PCDHA7: variants seen among roughly 807,000 people sequenced by gnomAD.
PCDHA7 encodes protocadherin alpha 7, also known as protocadherin alpha-7.
PCDHA7 carries 37 observed loss-of-function variants against 57.2 expected under a neutral mutation model. That is an observed-to-expected ratio of 0.65 (90% confidence interval 0.50 to 0.85). The LOEUF is 0.85. Ranked by LOEUF, PCDHA7 falls within the 40% of genes least tolerant of loss-of-function variation. The pLI, the probability that PCDHA7 is intolerant of heterozygous loss-of-function variation, is 0.00. For synonymous variants in PCDHA7, 553 were observed against 558.8 expected, an observed-to-expected ratio of 0.99 and a Z score of 0.15; for missense variants, 1,188 against 1,241.8, an observed-to-expected ratio of 0.96 and a Z score of 0.65.
At chr5:140,857,576 C>T in intron 1 of PCDHA7, 1 of 1,596,780 alleles carries the variant, frequency 6.3e-7, no homozygotes, top group African/African-American at 1.3e-5. Flanking sequence ...CGTGTCGGTG[C>T]ACGCGGAGAG....
chr5:141,000,395 C>CTCTATAAATA (rs1213762225), intron 3 of PCDHA7, among the ~76,000 whole-genome samples: 2 of 53,986 alleles, frequency 3.7e-5, no homozygotes, highest in African/African-American at 1.5e-4. Flanking sequence ...CTCTCTCTCT[C>CTCTATAAATA]TATATATATA....
chr5:140,990,729 C>G (rs2097409512), intron 3 of PCDHA7, among the ~76,000 whole-genome samples: 1 of 152,134 alleles, frequency 6.6e-6, no homozygotes, highest in Non-Finnish European at 1.5e-5. Flanking sequence ...CTAGGTATAT[C>G]AACAGCCCTA....
At chr5:140,931,758 A>G (rs1374881766) in intron 1 of PCDHA7, among the ~76,000 whole-genome samples, 1 of 151,944 alleles carries the variant, frequency 6.6e-6, no homozygotes, top group African/African-American at 2.4e-5. Flanking sequence ...GGCATTTGTT[A>G]TTTACTTCTT....
intron 1 of PCDHA7, among the ~76,000 whole-genome samples, chr5:140,914,884 CCTG>C (rs2153531970): frequency 6.6e-6 from 1 of 151,782 alleles, no homozygotes; most frequent in East Asian, 1.9e-4. Flanking sequence ...ACTGTATCCT[CCTG>C]CTTTTAACTT....
chr5:140,927,191 T>C, intron 1 of PCDHA7: 16 of 1,614,144 alleles, frequency 9.9e-6, no homozygotes, highest in Non-Finnish European at 1.4e-5. Context: ...TACGACCTGG[T>C]GCTCGAGGAC....
chr5:140,874,953 G>C (rs2055192015), intron 1 of PCDHA7, among the ~76,000 whole-genome samples: 1 of 152,212 alleles, frequency 6.6e-6, no homozygotes, highest in Admixed American at 6.5e-5. Flanking sequence ...GGAATTGTAA[G>C]CTATATAAGG....
intron 1 of PCDHA7, among the ~76,000 whole-genome samples, chr5:140,939,338 G>A (rs2092369072): frequency 6.6e-6 from 1 of 152,116 alleles, no homozygotes; most frequent in South Asian, 2.1e-4. Context: ...TTAGGGGTTA[G>A]CATTTCAACT....
intron 1 of PCDHA7, chr5:140,882,841 A>G: frequency 6.2e-7 from 1 of 1,614,232 alleles, no homozygotes; most frequent in East Asian, 2.2e-5. Flanking sequence ...AAATGTCTTC[A>G]TTATCACTTG....
At chr5:140,989,565 G>A (rs782538666) in intron 3 of PCDHA7, among the ~76,000 whole-genome samples, 12 of 152,134 alleles carry the variant, frequency 7.9e-5, no homozygotes, top group South Asian at 4.1e-4. Context: ...TTGTGGCTCC[G>A]GCAAGCCCTG....
chr5:140,859,624 G>A (rs11749013), intron 1 of PCDHA7: 1 of 160,568 alleles, frequency 6.2e-6, no homozygotes, highest in Non-Finnish European at 1.4e-5. Flanking sequence ...TTCTCTTTGA[G>A]TATGGAGATT....
intron 1 of PCDHA7, chr5:140,856,834 G>T (rs2044233104): frequency 6.3e-7 from 1 of 1,591,808 alleles, no homozygotes; most frequent in Non-Finnish European, 8.6e-7. Context: ...TAGTAATACG[G>T]CTCAACGCTT....
intron 1 of PCDHA7, chr5:140,863,088 C>T: frequency 1.7e-6 from 1 of 574,660 alleles, no homozygotes; most frequent in Non-Finnish European, 3.4e-6. Flanking sequence ...GCGAGATCAG[C>T]ACGACGAGTA....
chr5:140,921,101 C>T (rs1331761775), intron 1 of PCDHA7, among the ~76,000 whole-genome samples: 3 of 152,002 alleles, frequency 2.0e-5, no homozygotes, highest in African/African-American at 4.8e-5. Context: ...CTGCCTCAGT[C>T]TCCTAAGTAG....
rs782079089 is a variant in PCDHA7, at chr5:141,009,663, C to T, written c.2540C>T (p.Ala847Val). 4 of 1,614,034 alleles carry T rather than the reference C, an allele frequency of 2.5e-6. No individual in the cohort carries two copies. Among genetic ancestry groups the T allele is most frequent in the East Asian group, 2.2e-5 (1 of 44,876 alleles). ...GGAGAAGTGTCCCCTCCAGTCGGTG[C>T]GGGTGTCAACAGCAACAGCTGGACC... Reference protein sequence around the residue: ...EAGEVSPPVGAGVNSNSWTFK... With the variant: ...EAGEVSPPVGVGVNSNSWTFK... Residue 847 changes from alanine to valine, a missense_variant, in exon 4 of 4, where the codon GCG (alanine) becomes GTG (valine). Transcript: ENST00000525929.
intron 1 of PCDHA7, among the ~76,000 whole-genome samples, chr5:140,904,216 ATTG>A (rs2070958692): frequency 6.6e-6 from 1 of 151,842 alleles, no homozygotes; most frequent in East Asian, 1.9e-4. Flanking sequence ...CCCAAAGTCC[ATTG>A]TATTATACTT....
At chr5:140,893,204 G>A (rs1207669882) in intron 1 of PCDHA7, among the ~76,000 whole-genome samples, 1 of 152,244 alleles carries the variant, frequency 6.6e-6, no homozygotes, top group African/African-American at 2.4e-5. Context: ...GCTGCAGTAA[G>A]TATGGGAGGT....
chr5:140,928,592 T>G (rs781970359), intron 1 of PCDHA7: 1 of 1,614,178 alleles, frequency 6.2e-7, no homozygotes, highest in Non-Finnish European at 8.5e-7. Context: ...TCTGTCCCAG[T>G]GGAAATTGTG....
At position 140,843,553 on chromosome 5, in the gene PCDHA7, G is replaced by A. The variant is rs1275122592; in HGVS notation, c.2355+6815G>A. On this transcript the variant is annotated intron_variant, in intron 1 of 3. Coordinates refer to ENST00000525929, the MANE Select transcript of PCDHA7 (RefSeq NM_018910.3). ...AGCCCACTCTGGTGTGCTCCAGTGC[G>A]GTGGGGAGCTGGTCATACTCGCAAC... 15 of 1,595,808 alleles carry A rather than the reference G, an allele frequency of 9.4e-6. 2 individuals carry two copies. The highest frequency in any genetic ancestry group is 2.2e-5 in the South Asian group (2 of 90,502).
intron 1 of PCDHA7, among the ~76,000 whole-genome samples, chr5:140,912,160 C>T (rs1208125180): frequency 6.6e-6 from 1 of 152,134 alleles, no homozygotes. Context: ...TGTTTTTATT[C>T]TGGCTGTGCT....
Sources: gnomAD v4.1 joint callset for allele counts (sites outside exome capture counted in the v4.1 genomes callset) on GRCh38, gnomAD v4.1.1 for gene constraint, MANE v1.5 for transcripts, NCBI Gene and HGNC (gene_info 2026-07-23, HGNC 2026-07-21) for gene names.